TGM6: variants seen among roughly 807,000 people sequenced by gnomAD.
TGM6 encodes the protein transglutaminase 6, also known as protein-glutamine gamma-glutamyltransferase 6.
In TGM6, 74 loss-of-function variants were observed where a neutral mutation model predicts 77.5. That is an observed-to-expected ratio of 0.96 (90% CI 0.79 to 1.16). TGM6 has a LOEUF of 1.16. Among genes scored for constraint, TGM6 ranks in the 50% most tolerant of loss-of-function variants. TGM6 has a pLI of 0.00. For missense variants in TGM6, 968 were observed against 940.2 expected (o/e 1.03, Z -0.39); for synonymous variants, 383 against 378.9 (o/e 1.01, Z -0.12).
intron 9 of TGM6, among the ~76,000 whole-genome samples, chr20:2,408,688 G>A (rs2084767326): frequency 6.6e-6 from 1 of 152,176 alleles, no homozygotes; most frequent in African/African-American, 2.4e-5. Flanking sequence ...TGCAGGACTG[G>A]CTTATGTGAA....
chr20:2,418,592 C>T (rs188825511), intron 10 of TGM6, among the ~76,000 whole-genome samples: 1 of 152,178 alleles, frequency 6.6e-6, no homozygotes, highest in African/African-American at 2.4e-5. Context: ...TGCACATTTA[C>T]TCAGCTGATG....
chr20:2,388,284 T>A, intron 1 of TGM6, among the ~76,000 whole-genome samples: 1 of 152,208 alleles, frequency 6.6e-6, no homozygotes, highest in East Asian at 1.9e-4. Context: ...GCCAAACATT[T>A]TGACCAGCCC....
intron 3 of TGM6, 139 bp downstream of exon 3, chr20:2,395,575 C>T (rs1014741761): frequency 2.0e-6 from 3 of 1,489,034 alleles, no homozygotes; most frequent in African/African-American, 1.4e-5. Flanking sequence ...TTAGCCTAGG[C>T]AGAGGTAGGC....
chr20:2,423,991 A>T (rs1362394024), intron 10 of TGM6, among the ~76,000 whole-genome samples: 2 of 152,236 alleles, frequency 1.3e-5, no homozygotes, highest in African/African-American at 4.8e-5. Context: ...AGGTCTCAAC[A>T]GTTGGCCTAA....
rs573133228 is a variant in TGM6 at position 2,429,290 on chromosome 20, G to T, written c.1679-1156G>T. ...AGCCCTGGGGTAGCAGAGCGCATGAGCCAAGTTGAGCCCTTTAAGGACCTT... is the reference window on the plus strand; with the variant it reads ...AGCCCTGGGGTAGCAGAGCGCATGATCCAAGTTGAGCCCTTTAAGGACCTT... On this transcript the variant is annotated intron_variant, in intron 10 of 12. Transcript: ENST00000202625. Among the ~76,000 whole-genome samples, 7 of 152,262 alleles carry T rather than the reference G, an allele frequency of 4.6e-5. No individual in the cohort carries two copies. In the East Asian group the frequency reaches 1.4e-3, roughly 29 times the overall value.
At chr20:2,382,781 T>C (rs1002067070) in intron 1 of TGM6, among the ~76,000 whole-genome samples, 4 of 152,046 alleles carry the variant, frequency 2.6e-5, no homozygotes, top group African/African-American at 7.3e-5. Context: ...CTATCCCCCC[T>C]CCCTCACTCC....
chr20:2,398,061 C>G lies in TGM6; in HGVS notation c.672+15C>G. 7 of 1,614,174 alleles carry G rather than the reference C, an allele frequency of 4.3e-6. No homozygotes were observed. The highest frequency in any genetic ancestry group is 5.9e-6 in the Non-Finnish European group (7 of 1,180,030). The stretch of plus-strand genomic sequence containing the variant: ...TCAGTGCCATGGTGAGAAGCCCCTC[C>G]ATCCCTGCACATGTACTTCCTCAAG... On this transcript the variant is annotated intron_variant, in intron 5 of 12. Transcript: ENST00000202625.
At chr20:2,392,621 C>T (rs981688500) in intron 1 of TGM6, among the ~76,000 whole-genome samples, 1 of 152,146 alleles carries the variant, frequency 6.6e-6, no homozygotes, top group Non-Finnish European at 1.5e-5. Context: ...GCAGAGAGGT[C>T]AAGAAGGCGG....
chr20:2,420,339 T>G (rs1568668813), intron 10 of TGM6, among the ~76,000 whole-genome samples: 3 of 152,156 alleles, frequency 2.0e-5, no homozygotes, highest in African/African-American at 4.8e-5. Context: ...TTAAGTAGTT[T>G]TAGGTTTTCA....
rs2084645158 is a variant in TGM6, at chr20:2,394,009, G to T, written c.8-443G>T. ...TTTTACAGAACTTAATGACCAAGAGGCTGGGCAAGGTGCCTCACACCTGTA... is the reference window on the plus strand; with the variant it reads ...TTTTACAGAACTTAATGACCAAGAGTCTGGGCAAGGTGCCTCACACCTGTA... On this transcript the variant is annotated intron_variant, in intron 1 of 12. Transcript: ENST00000202625. Among the ~76,000 whole-genome samples, 3 of 152,194 alleles carry T rather than the reference G, an allele frequency of 2.0e-5. No homozygotes were observed. The East Asian group carries it at 5.8e-4, about 30-fold the overall frequency.
intron 10 of TGM6, 102 bp from the exon 11 acceptor site, chr20:2,430,344 C>G (rs2084915935): frequency 1.1e-5 from 16 of 1,466,584 alleles, no homozygotes; most frequent in Admixed American, 3.3e-5. Flanking sequence ...GTTGCAAGGA[C>G]CAGAGAGAAA....
chr20:2,418,449 G>A (rs940286618), intron 10 of TGM6, among the ~76,000 whole-genome samples: 10 of 152,318 alleles, frequency 6.6e-5, no homozygotes, highest in East Asian at 1.9e-4. Flanking sequence ...GTGAAGTCAC[G>A]AGTTCAGAGT....
chr20:2,423,281 C>T lies in TGM6; in HGVS notation c.1678+5708C>T, dbSNP rs1027046221. The stretch of plus-strand genomic sequence containing the variant: ...TTTCTCTGTAGTATGCGATGGTGTT[C>T]GATAGCATTTTACTCACAGTAGAAC... On this transcript the variant is annotated intron_variant, in intron 10 of 12. Transcript: ENST00000202625. Among the ~76,000 whole-genome samples, 11 of 151,346 alleles carry T rather than the reference C, an allele frequency of 7.3e-5. No homozygotes were observed. In the East Asian group the frequency reaches 1.6e-3, roughly 22 times the overall value.
In TGM6 at chr20:2,430,893, G is replaced by C; in HGVS notation, c.1834-1G>C. On this transcript the variant is annotated splice_acceptor_variant, in intron 11 of 12. Coordinates refer to ENST00000202625, the MANE Select transcript of TGM6 (RefSeq NM_198994.3). LOFTEE classifies it high-confidence loss of function. ...TGGCTCATGGGTGTTGTCCCCTTCA[G>C]GTTCTGGGCCCAGCCATGGTGGGAG... 1 of 1,614,154 alleles carries C rather than the reference G, an allele frequency of 6.2e-7. No individual in the cohort carries two copies. The highest frequency in any genetic ancestry group is 8.5e-7 in the Non-Finnish European group (1 of 1,180,042).
chr20:2,399,435 A>G, intron 5 of TGM6, 126 bp from the exon 6 acceptor site: 1 of 1,293,844 alleles, frequency 7.7e-7, no homozygotes, highest in Non-Finnish European at 1.1e-6. Flanking sequence ...TAATTTTCAG[A>G]CAGTTAAAAA....
Position 2,417,460 on chromosome 20 carries a change from C to T in TGM6, c.1565C>T (p.Ser522Phe), listed in dbSNP as rs763388812. The T allele has an allele frequency of 5.6e-6, 9 of 1,611,334 alleles. No homozygotes were observed. In the South Asian group the frequency reaches 9.9e-5, roughly 18 times the overall value. ...RLALCLANLT[S>F]RAQRVRVNLS... Reference sequence around the variant, plus strand: ...GCCCTGTGCTTGGCCAACCTCACCTCCCGGGCCCAGCGGGTGAGGGTCAAC... The same window carrying T: ...GCCCTGTGCTTGGCCAACCTCACCTTCCGGGCCCAGCGGGTGAGGGTCAAC... The change falls in exon 10 of 13, where the codon TCC (serine) becomes TTC (phenylalanine). Residue 522 changes from serine to phenylalanine, a missense_variant. Transcript: ENST00000202625.
At chr20:2,390,836 G>C (rs2084624894) in intron 1 of TGM6, among the ~76,000 whole-genome samples, 1 of 152,146 alleles carries the variant, frequency 6.6e-6, no homozygotes, top group African/African-American at 2.4e-5. Flanking sequence ...AATCTGAAAG[G>C]AGAGTGATCC....
chr20:2,415,516 C>G lies in TGM6; in HGVS notation c.1337-1716C>G, dbSNP rs138633434. Among the ~76,000 whole-genome samples the G allele has an allele frequency of 9.8e-3, 1,489 of 152,228 alleles. 16 individuals carry two copies. The highest frequency in any genetic ancestry group is 0.027 in the South Asian group (129 of 4,826). ...ATAGGAAAACTAAAGCTTGCCGGGA[C>G]AGATTAATGAAAACAGTAATAAAAG... On this transcript the variant is annotated intron_variant, in intron 9 of 12. Transcript: ENST00000202625.
At chr20:2,391,768 A>G (rs552747114) in intron 1 of TGM6, among the ~76,000 whole-genome samples, 1 of 152,194 alleles carries the variant, frequency 6.6e-6, no homozygotes, top group Non-Finnish European at 1.5e-5. Flanking sequence ...TTTGCTTAAA[A>G]CAATATTTGG....
Sources: allele counts gnomAD v4.1 joint callset (sites outside exome capture counted in the v4.1 genomes callset), GRCh38; gene constraint gnomAD v4.1.1; transcripts MANE v1.5; gene names NCBI Gene and HGNC (gene_info 2026-07-23, HGNC 2026-07-21).